The following IQCE variants were observed in gnomAD, a reference collection of about 807,000 sequenced individuals.
IQCE encodes IQ motif containing E.
In IQCE, 115 loss-of-function variants were observed where a neutral mutation model predicts 96.0. That is an observed-to-expected ratio of 1.20 (90% confidence interval 1.03 to 1.40). The LOEUF is 1.40. Among genes scored for constraint, IQCE ranks in the 40% most tolerant of loss-of-function variants. The probability of loss-of-function intolerance (pLI) is 0.00; values close to 1 mark genes in which losing one functional copy is unlikely to be tolerated. For synonymous variants in IQCE, 412 were observed against 371.2 expected, an observed-to-expected ratio of 1.11 and a Z score of -1.26; for missense variants, 1,041 against 909.1, an observed-to-expected ratio of 1.15 and a Z score of -1.87.
intron 1 of IQCE, among the ~76,000 whole-genome samples, chr7:2,563,925 A>C (rs1238122752): frequency 6.7e-6 from 1 of 148,598 alleles, no homozygotes; most frequent in East Asian, 2.0e-4. Context: ...AATTTCACTC[A>C]TCAGCCGGGC....
At chr7:2,565,570 G>C (rs976450110) in intron 1 of IQCE, among the ~76,000 whole-genome samples, 2 of 152,160 alleles carry the variant, frequency 1.3e-5, no homozygotes, top group African/African-American at 2.4e-5. Flanking sequence ...TGCTTTTCTA[G>C]ACAGTTTTCA....
intron 4 of IQCE, among the ~76,000 whole-genome samples, chr7:2,571,941 G>A (rs959968407): frequency 1.3e-5 from 2 of 152,168 alleles, no homozygotes; most frequent in South Asian, 4.1e-4. Flanking sequence ...GGGCTGGTCA[G>A]TGTCATGCTG....
intron 10 of IQCE, among the ~76,000 whole-genome samples, 196 bp from the exon 11 acceptor site, chr7:2,584,040 G>A (rs1317624143): frequency 6.6e-6 from 1 of 151,920 alleles, no homozygotes; most frequent in Non-Finnish European, 1.5e-5. Flanking sequence ...CCCGGGTGGT[G>A]GGCCGAGCCC....
intron 1 of IQCE, among the ~76,000 whole-genome samples, chr7:2,561,434 T>G (rs963785456): frequency 6.6e-6 from 1 of 151,660 alleles, no homozygotes; most frequent in African/African-American, 2.4e-5. Flanking sequence ...TTTTTTTTTT[T>G]TTTTGAGATG....
At chr7:2,564,527 G>A (rs1172966931) in intron 1 of IQCE, among the ~76,000 whole-genome samples, 1 of 152,116 alleles carries the variant, frequency 6.6e-6, no homozygotes, top group Non-Finnish European at 1.5e-5. Flanking sequence ...GTACCCGGGA[G>A]GTGGAGGTGG....
intron 3 of IQCE, among the ~76,000 whole-genome samples, chr7:2,571,066 G>A (rs1160686596): frequency 1.3e-5 from 2 of 152,156 alleles, no homozygotes; most frequent in Admixed American, 1.3e-4. Flanking sequence ...TACCCAGGCT[G>A]GAATGCAGTG....
chr7:2,607,887 C>T (rs946892099), intron 21 of IQCE, among the ~76,000 whole-genome samples: 2 of 152,142 alleles, frequency 1.3e-5, no homozygotes, highest in Non-Finnish European at 2.9e-5. Flanking sequence ...TCGGGACTGT[C>T]GGGAGATGGA....
chr7:2,572,400 C>T (rs939870720), intron 5 of IQCE, 74 bp downstream of exon 5: 11 of 1,472,722 alleles, frequency 7.5e-6, no homozygotes, highest in African/African-American at 2.8e-5. Context: ...GGGCTGGAGG[C>T]GTCCTTCGTC....
chr7:2,565,152 G>A (rs1314961267), intron 1 of IQCE, among the ~76,000 whole-genome samples: 3 of 148,626 alleles, frequency 2.0e-5, no homozygotes, highest in African/African-American at 7.6e-5. Flanking sequence ...GTGTGTGTGT[G>A]TGCTGTGTAT....
At chr7:2,582,148 GC>G (rs754001891) in intron 8 of IQCE, 20 of 446,172 alleles carry the variant, frequency 4.5e-5, no homozygotes, top group Non-Finnish European at 7.8e-5. Context: ...CCCTACGGCC[GC>G]GCTGTCTCCC....
rs571957270 is a variant in IQCE, at chr7:2,578,226, C to A, written c.466-16C>A. On this transcript the variant is annotated splice_polypyrimidine_tract_variant and intron_variant, in intron 6 of 21. Transcript: ENST00000402050. The stretch of plus-strand genomic sequence containing the variant: ...GCTTCGTGTGGATGGCTGTGCATGG[C>A]CCTTGTTTTCTTCAGTCATTGCACG... 102 of 1,591,818 alleles carry A rather than the reference C, an allele frequency of 6.4e-5. 1 individual carries two copies. The South Asian group carries it at 1.1e-3, about 17-fold the overall frequency.
chr7:2,575,975 G>A (rs926915020), intron 6 of IQCE, among the ~76,000 whole-genome samples: 5 of 152,204 alleles, frequency 3.3e-5, no homozygotes, highest in African/African-American at 1.2e-4. Context: ...CACGCTCTTG[G>A]AAGCGGCAGT....
rs3735111 is a variant in IQCE, at chr7:2,610,298, T to G, written c.*136T>G. The G allele has an allele frequency of 0.19, 120,884 of 646,246 alleles. 14,552 individuals are homozygous for G. The highest frequency in any genetic ancestry group is 0.48 in the East Asian group (17,471 of 36,720). The allele number at this position is 646,246 out of a possible 1,614,324, so 40.0% of individuals were successfully genotyped here. A position where few individuals can be genotyped will look rare whatever the true frequency, so the allele number is the denominator to read the frequency against. On this transcript the variant is annotated 3_prime_UTR_variant, in exon 22 of 22. Coordinates refer to ENST00000402050, the MANE Select transcript of IQCE (RefSeq NM_152558.5). ...ACCTCAGCATCTGCGTCGTGTCTCT[T>G]TGTGCTTTTGTTTGTGGAAGGAGAC...
intron 6 of IQCE, among the ~76,000 whole-genome samples, chr7:2,576,403 TAC>T: frequency 6.6e-6 from 1 of 152,300 alleles, no homozygotes; most frequent in East Asian, 1.9e-4. Context: ...AGAAATCCAC[TAC>T]AGAGTCTTTT....
intron 11 of IQCE, among the ~76,000 whole-genome samples, chr7:2,585,148 G>T (rs940286503): frequency 1.3e-5 from 2 of 148,878 alleles, no homozygotes; most frequent in East Asian, 2.0e-4. Flanking sequence ...TGATTATCTT[G>T]CCTCTGCCTC....
intron 15 of IQCE, 69 bp downstream of exon 15, chr7:2,593,195 C>G (rs1420068295): frequency 1.3e-6 from 2 of 1,520,788 alleles, no homozygotes; most frequent in Admixed American, 3.8e-5. Context: ...CTGCGGCCCC[C>G]CGTGGCGTCT....
rs1583524672 is a variant in IQCE at position 2,607,143 on chromosome 7, A to G, written c.1885A>G (p.Thr629Ala). 6.2e-7 allele frequency: 1 copy of G among 1,603,646 alleles called. No individual in the cohort carries two copies. Among genetic ancestry groups the G allele is most frequent in the East Asian group, 2.3e-5 (1 of 44,384 alleles). The change falls in exon 21 of 22, where the codon ACC becomes GCC. Residue 629 changes from threonine (T) to alanine (A), a missense_variant. Transcript: ENST00000402050. Reference protein sequence around the residue: ...ARHSATGKRTTTAASTRRRSA... With the variant: ...ARHSATGKRTATAASTRRRSA... The stretch of plus-strand genomic sequence containing the variant: ...TTCCAGTGCTACCGGTAAAAGAACC[A>G]CCACCGCAGCTTCTACCAGGAGGAG...
intron 1 of IQCE, among the ~76,000 whole-genome samples, chr7:2,562,595 T>C (rs62442593): frequency 9.7e-5 from 10 of 102,860 alleles, no homozygotes; most frequent in East Asian, 7.8e-4. Flanking sequence ...GAGGCCCCCT[T>C]TTTTTTTTTT....
rs770520032 is a variant in IQCE at position 2,605,025 on chromosome 7, T to C, written c.1743+34T>C. 4.2e-6 allele frequency: 6 copies of C among 1,436,164 alleles called. No homozygotes were observed. The Admixed American group carries it at 5.1e-5, about 12-fold the overall frequency. 89.0% of individuals were successfully genotyped at this position (1,436,164 alleles called of 1,614,324 possible). A position where few individuals can be genotyped will look rare whatever the true frequency, so the allele number is the denominator to read the frequency against. The stretch of plus-strand genomic sequence containing the variant: ...GGGGTGCTGGACGTCCCAGTGGCCA[T>C]CTGCAGAGCTGCTCGTCTCGCACTC... On this transcript the variant is annotated intron_variant, in intron 19 of 21. Transcript: ENST00000402050.
Sources: gnomAD v4.1 joint callset for allele counts (sites outside exome capture counted in the v4.1 genomes callset) on GRCh38, gnomAD v4.1.1 for gene constraint, MANE v1.5 for transcripts, NCBI Gene and HGNC (gene_info 2026-07-23, HGNC 2026-07-21) for gene names.